ZNF431: variants seen among roughly 807,000 people sequenced by gnomAD.
ZNF431 encodes zinc finger protein 431.
ZNF431 carries 34 observed loss-of-function variants against 57.0 expected under a neutral mutation model. The observed-to-expected ratio is 0.60, with a 90% CI of 0.45 to 0.79. ZNF431 has a LOEUF of 0.79. Among genes scored for constraint, ZNF431 ranks in the 30% least tolerant of loss-of-function variants. The pLI is 0.00. For synonymous variants in ZNF431, 207 were observed against 220.3 expected, an observed-to-expected ratio of 0.94 and a Z score of 0.54; for missense variants, 607 against 667.1, an observed-to-expected ratio of 0.91 and a Z score of 0.99.
chr19:21,173,066 T>G (rs899471179), intron 4 of ZNF431, among the ~76,000 whole-genome samples: 2 of 152,228 alleles, frequency 1.3e-5, no homozygotes, highest in South Asian at 4.1e-4. Flanking sequence ...TTTCAAAGTT[T>G]ATCTTAAAAT....
At chr19:21,179,447 T>C (rs1971151064) in intron 4 of ZNF431, among the ~76,000 whole-genome samples, 1 of 152,158 alleles carries the variant, frequency 6.6e-6, no homozygotes, top group South Asian at 2.1e-4. Flanking sequence ...CTTTTAGTTA[T>C]GATGTTAGGG....
chr19:21,183,197 C>G lies in ZNF431; in HGVS notation c.894C>G (p.Asn298Lys), dbSNP rs1971261929. 6.2e-7 allele frequency: 1 copy of G among 1,612,674 alleles called. No individual in the cohort carries two copies. The highest frequency in any genetic ancestry group is 2.2e-5 in the East Asian group (1 of 44,750). Reference sequence around the variant, plus strand: ...GTGAAGAATGTGGCAAAGCCTTCAACCGGTCCTCACACCTTACTACACATA... The same window carrying G: ...GTGAAGAATGTGGCAAAGCCTTCAAGCGGTCCTCACACCTTACTACACATA... ...YRCEECGKAF[N>K]RSSHLTTHKI... The change falls in exon 5 of 5, where the codon AAC becomes AAG. Residue 298 changes from asparagine (N) to lysine (K), a missense_variant. Coordinates refer to ENST00000311048, the MANE Select transcript of ZNF431 (RefSeq NM_133473.4).
chr19:21,174,875 C>T (rs1014048506), intron 4 of ZNF431, among the ~76,000 whole-genome samples: 6 of 152,034 alleles, frequency 3.9e-5, no homozygotes, highest in South Asian at 4.1e-4. Context: ...TAGATTCAAG[C>T]GATATTCCTT....
intron 2 of ZNF431, among the ~76,000 whole-genome samples, chr19:21,165,274 T>A (rs1970691643): frequency 6.6e-6 from 1 of 151,946 alleles, no homozygotes; most frequent in East Asian, 1.9e-4. Context: ...AAAGCTGGGG[T>A]CCTTAGTAAA....
In ZNF431 at chr19:21,195,532, A is replaced by G. The variant is rs1184084805; in HGVS notation, c.*11498A>G. ...GCAATAGAATTATGTATATTTTGCA[A>G]ACTCTAATACAGAACACTTAATGTA... On this transcript the variant is annotated 3_prime_UTR_variant, in exon 5 of 5. Transcript: ENST00000311048. The G allele has an allele frequency of 6.6e-6, 1 of 152,360 alleles. No homozygotes were observed. The allele number at this position is 152,360 out of a possible 1,614,324, so 9.4% of individuals were successfully genotyped here.
At position 21,173,769 on chromosome 19, in the gene ZNF431, C is replaced by T. The variant is rs190453042; in HGVS notation, c.319+6103C>T. Among the ~76,000 whole-genome samples, 346 of 152,154 alleles carry T rather than the reference C, an allele frequency of 2.3e-3. 1 individual carries two copies. Among genetic ancestry groups the T allele is most frequent in the African/African-American group, 7.8e-3 (322 of 41,516 alleles). ...CTTGAACTCCTGACCTCAGATGATC[C>T]GTCCACCTCGACCTGCCAAGGTGCT... On this transcript the variant is annotated intron_variant, in intron 4 of 4. Coordinates refer to ENST00000311048, the MANE Select transcript of ZNF431 (RefSeq NM_133473.4).
At chr19:21,146,144 C>G (rs1390093488) in intron 2 of ZNF431, among the ~76,000 whole-genome samples, 1 of 151,998 alleles carries the variant, frequency 6.6e-6, no homozygotes, top group Non-Finnish European at 1.5e-5. Flanking sequence ...AGAAAAAATT[C>G]AGGGTGAGTC....
intron 4 of ZNF431, chr19:21,175,586 C>G (rs757897394): frequency 7.5e-6 from 4 of 534,360 alleles, no homozygotes; most frequent in African/African-American, 2.0e-5. Context: ...TCTCCCTCCC[C>G]GTGACAGACC....
At chr19:21,149,839 G>T in intron 2 of ZNF431, 1 of 653,330 alleles carries the variant, frequency 1.5e-6, no homozygotes, top group South Asian at 1.4e-5. Context: ...GTGTGAAGAC[G>T]ACAGTGGTGC....
chr19:21,142,388 C>T (rs942896333), intron 1 of ZNF431, among the ~76,000 whole-genome samples: 21 of 152,208 alleles, frequency 1.4e-4, no homozygotes, highest in Admixed American at 9.2e-4. Context: ...CGTCCTGTCT[C>T]TTCACTGCAC....
chr19:21,182,545 A>G (rs1455251196), intron 4 of ZNF431, 78 bp from the exon 5 acceptor site: 2 of 1,417,942 alleles, frequency 1.4e-6, no homozygotes, highest in Non-Finnish European at 1.9e-6. Flanking sequence ...TGTAGTTTGT[A>G]TAATGTAGGT....
At chr19:21,166,628 G>A (rs990475347) in intron 3 of ZNF431, among the ~76,000 whole-genome samples, 167 bp downstream of exon 3, 1 of 152,032 alleles carries the variant, frequency 6.6e-6, no homozygotes, top group Non-Finnish European at 1.5e-5. Context: ...TCTTCAACGT[G>A]TTTCATCTTG....
In ZNF431 at chr19:21,143,695, T is replaced by A. The variant is rs760515848; in HGVS notation, c.96+52T>A. The A allele has an allele frequency of 1.3e-5, 18 of 1,392,110 alleles. No individual in the cohort carries two copies. The East Asian group carries it at 3.9e-4, about 30-fold the overall frequency. The allele number at this position is 1,392,110 out of a possible 1,614,324, so 86.2% of individuals were successfully genotyped here. Reference sequence around the variant, plus strand: ...CTACGCCCAACCCAGCTTTCATTTCTTGGGGACACATTGCTGGTCAGCCAG... The same window carrying A: ...CTACGCCCAACCCAGCTTTCATTTCATGGGGACACATTGCTGGTCAGCCAG... On this transcript the variant is annotated intron_variant, in intron 2 of 4. Transcript: ENST00000311048.
chr19:21,143,166 C>G (rs1308249669), intron 1 of ZNF431, among the ~76,000 whole-genome samples: 3 of 151,992 alleles, frequency 2.0e-5, no homozygotes, highest in African/African-American at 7.3e-5. Flanking sequence ...TTTTAGTGTA[C>G]TTTTCTATAC....
intron 2 of ZNF431, among the ~76,000 whole-genome samples, chr19:21,148,653 CAT>C (rs536274913): frequency 4.5e-4 from 69 of 152,248 alleles, no homozygotes; most frequent in African/African-American, 1.6e-3. Flanking sequence ...TTATCAAAAA[CAT>C]ATTTCACTTT....
chr19:21,154,823 G>GAGA (rs1452745821), intron 2 of ZNF431, among the ~76,000 whole-genome samples: 1 of 152,188 alleles, frequency 6.6e-6, no homozygotes, highest in African/African-American at 2.4e-5. Context: ...GCCTTCTTTT[G>GAGA]AGAAGTGTCT....
chr19:21,184,087 T>C lies in ZNF431; in HGVS notation c.*53T>C. ...AATATTGGCCGGGTGCGGTGGCTTA[T>C]GCAAAATGGCTCCCAGCATTTTGGG... is the stretch of plus-strand genomic sequence containing the variant. On this transcript the variant is annotated 3_prime_UTR_variant, in exon 5 of 5. Coordinates refer to ENST00000311048, the MANE Select transcript of ZNF431 (RefSeq NM_133473.4). 6.8e-7 allele frequency: 1 copy of C among 1,476,022 alleles called. No individual in the cohort carries two copies. The highest frequency in any genetic ancestry group is 9.0e-7 in the Non-Finnish European group (1 of 1,106,662). The allele number at this position is 1,476,022 out of a possible 1,614,324, so 91.4% of individuals were successfully genotyped here.
At chr19:21,178,722 T>C (rs1188104875) in intron 4 of ZNF431, among the ~76,000 whole-genome samples, 1 of 152,144 alleles carries the variant, frequency 6.6e-6, no homozygotes, top group Non-Finnish European at 1.5e-5. Context: ...GACGTGCTGC[T>C]GGATTCAGTT....
intron 2 of ZNF431, among the ~76,000 whole-genome samples, chr19:21,153,901 A>G (rs1322880906): frequency 1.3e-5 from 2 of 152,122 alleles, no homozygotes; most frequent in Non-Finnish European, 1.5e-5. Context: ...TTTTTAGTAG[A>G]GACGGGGTTT....
Sources: gnomAD v4.1 joint callset for allele counts (sites outside exome capture counted in the v4.1 genomes callset) on GRCh38, gnomAD v4.1.1 for gene constraint, MANE v1.5 for transcripts, NCBI Gene and HGNC (gene_info 2026-07-23, HGNC 2026-07-21) for gene names.